Variants in MMAA observed in about 807,000 individuals in gnomAD.
MMAA encodes metabolism of cobalamin associated A, also known as methylmalonic aciduria type A protein, mitochondrial.
In MMAA, 41 loss-of-function variants were observed where a neutral mutation model predicts 45.0. The ratio of observed to expected loss-of-function variants is 0.91; its 90% CI spans 0.71 to 1.18. The LOEUF is 1.18. Ranked by LOEUF, MMAA falls within the 50% of genes most tolerant of loss-of-function variation. MMAA has a pLI of 0.00. For missense variants in MMAA, 460 were observed against 495.7 expected (o/e 0.93, Z 0.68); for synonymous variants, 154 against 178.2 (o/e 0.86, Z 1.08).
intron 2 of MMAA, among the ~76,000 whole-genome samples, chr4:145,641,195 TC>T (rs753884601): frequency 9.8e-5 from 15 of 152,294 alleles, no homozygotes; most frequent in Admixed American, 8.5e-4. Flanking sequence ...AATAGCAAAC[TC>T]CCGCAGAGAA....
intron 5 of MMAA, 46 bp from the exon 6 acceptor site, chr4:145,653,948 T>C: frequency 6.2e-7 from 1 of 1,603,846 alleles, no homozygotes; most frequent in Non-Finnish European, 8.5e-7. Flanking sequence ...TGACTAGTTT[T>C]CCCATTTTTA....
Position 145,625,895 on chromosome 4 carries a change from C to A in MMAA, c.-66+6488C>A, listed in dbSNP as rs1356494037. On this transcript the variant is annotated intron_variant, in intron 1 of 6. Transcript: ENST00000649156. Reference sequence around the variant, plus strand: ...TGCAACTGTGAATCTGAGCTTTGACCTCTCGCAAGTTATCTTTAATTTGCT... The same window carrying A: ...TGCAACTGTGAATCTGAGCTTTGACATCTCGCAAGTTATCTTTAATTTGCT... 3 of 1,556,364 alleles carry A rather than the reference C, an allele frequency of 1.9e-6. No homozygotes were observed. The African/African-American group carries it at 4.1e-5, about 21-fold the overall frequency.
chr4:145,659,500 T>A lies in MMAA; in HGVS notation c.*4066T>A, dbSNP rs923613499. 6.6e-6 allele frequency: 1 copy of A among 152,214 alleles called. No homozygotes were observed. The highest frequency in any genetic ancestry group is 1.5e-5 in the Non-Finnish European group (1 of 68,042). 9.4% of individuals were successfully genotyped at this position (152,214 alleles called of 1,614,324 possible). A position where few individuals can be genotyped will look rare whatever the true frequency, so the allele number is the denominator to read the frequency against. ...TGATAGAGTGAGGTGAGGGCATATGTAAGTCAGTAAACTATTCTGTTAGTA... is the reference window on the plus strand; with the variant it reads ...TGATAGAGTGAGGTGAGGGCATATGAAAGTCAGTAAACTATTCTGTTAGTA... On this transcript the variant is annotated 3_prime_UTR_variant, in exon 7 of 7. Transcript: ENST00000649156.
intron 1 of MMAA, among the ~76,000 whole-genome samples, chr4:145,634,529 C>T (rs1412445490): frequency 6.6e-6 from 1 of 151,824 alleles, no homozygotes; most frequent in African/African-American, 2.4e-5. Flanking sequence ...ACTGGGGACC[C>T]GAAGAGCCCA....
intron 5 of MMAA, among the ~76,000 whole-genome samples, chr4:145,651,500 A>T (rs974868966): frequency 6.6e-6 from 1 of 152,166 alleles, no homozygotes; most frequent in Non-Finnish European, 1.5e-5. Context: ...CATAGTTTAT[A>T]TGTTGTACAA....
chr4:145,639,103 G>T lies in MMAA; in HGVS notation c.-37G>T. The T allele has an allele frequency of 6.3e-7, 1 of 1,597,882 alleles. No individual in the cohort carries two copies. Among genetic ancestry groups the T allele is most frequent in the Non-Finnish European group, 8.6e-7 (1 of 1,165,340 alleles). On this transcript the variant is annotated 5_prime_UTR_variant, in exon 2 of 7. Coordinates refer to ENST00000649156, the MANE Select transcript of MMAA (RefSeq NM_172250.3). ...GGTCACAATCACATTGAGCCAAAAC[G>T]CATCCAGTGTTTTCTCCAGTTACAA...
intron 1 of MMAA, chr4:145,625,123 C>A: frequency 8.9e-7 from 1 of 1,127,450 alleles, no homozygotes. Context: ...CTGATAGGTT[C>A]ATCTCATCTC....
chr4:145,632,339 A>G (rs998432173), intron 1 of MMAA, among the ~76,000 whole-genome samples: 4 of 152,166 alleles, frequency 2.6e-5, no homozygotes, highest in African/African-American at 7.2e-5. Context: ...CTCCTAGCCT[A>G]TAAAGTTTCC....
chr4:145,649,584 TC>T (rs1306873420), intron 4 of MMAA, among the ~76,000 whole-genome samples: 1 of 152,122 alleles, frequency 6.6e-6, no homozygotes, highest in Non-Finnish European at 1.5e-5. Flanking sequence ...GGGAACCCCA[TC>T]TAATGACTGT....
chr4:145,633,367 T>C (rs1727518031), intron 1 of MMAA, among the ~76,000 whole-genome samples: 1 of 151,670 alleles, frequency 6.6e-6, no homozygotes. Flanking sequence ...CTGGCTAATT[T>C]TTGTATTTTT....
intron 1 of MMAA, chr4:145,625,016 T>C (rs1338271810): frequency 1.1e-5 from 10 of 925,616 alleles, no homozygotes; most frequent in Non-Finnish European, 1.8e-5. Context: ...ATTCATATTA[T>C]AGGACTGGAA....
chr4:145,652,469 A>G (rs566324363), intron 5 of MMAA, among the ~76,000 whole-genome samples: 4 of 151,998 alleles, frequency 2.6e-5, no homozygotes, highest in Non-Finnish European at 5.9e-5. Context: ...TGGCTCACGC[A>G]TGTAATCCCA....
chr4:145,639,756 A>G lies in MMAA; in HGVS notation c.439+178A>G, dbSNP rs115954832. On this transcript the variant is annotated intron_variant, in intron 2 of 6. Coordinates refer to ENST00000649156, the MANE Select transcript of MMAA (RefSeq NM_172250.3). ...GTTTTGTTAAGTTGAAAAAATTGCCATGACATTTGAACCAAGGCTATGTAT... is the reference window on the plus strand; with the variant it reads ...GTTTTGTTAAGTTGAAAAAATTGCCGTGACATTTGAACCAAGGCTATGTAT... The G allele has an allele frequency of 4.7e-3, 4,650 of 984,640 alleles. 155 individuals carry two copies. The African/African-American group carries it at 0.073, about 15-fold the overall frequency. 61.0% of individuals were successfully genotyped at this position (984,640 alleles called of 1,614,324 possible). A position where few individuals can be genotyped will look rare whatever the true frequency, so the allele number is the denominator to read the frequency against.
At position 145,639,470 on chromosome 4, in the gene MMAA, A is replaced by T. The variant is rs778062592; in HGVS notation, c.331A>T (p.Thr111Ser). 1.2e-6 allele frequency: 2 copies of T among 1,614,192 alleles called. No homozygotes were observed. Among genetic ancestry groups the T allele is most frequent in the Non-Finnish European group, 1.7e-6 (2 of 1,180,040 alleles). The change falls in exon 2 of 7, where the codon ACT becomes TCT. Residue 111 changes from threonine to serine, a missense_variant. Physicochemically the swap from Thr to Ser is moderately conservative, Grantham distance 58. Transcript: ENST00000649156. Reference sequence around the variant, plus strand: ...AGAGGCCATAACTCTTGTAGAATCAACTCACAGCAGGAAAAAGGAGTTAGC... The same window carrying T: ...AGAGGCCATAACTCTTGTAGAATCATCTCACAGCAGGAAAAAGGAGTTAGC... ...LAEAITLVES[T>S]HSRKKELAQV...
At chr4:145,649,127 A>G (rs1157990421) in intron 4 of MMAA, among the ~76,000 whole-genome samples, 1 of 90,730 alleles carries the variant, frequency 1.1e-5, no homozygotes, top group Non-Finnish European at 2.1e-5. Context: ...GGTTCTATCA[A>G]AAAAAAAAAA....
chr4:145,650,917 A>G lies in MMAA; in HGVS notation c.734-145A>G, dbSNP rs551279799. 3.5e-5 allele frequency: 26 copies of G among 743,030 alleles called. No homozygotes were observed. The African/African-American group carries it at 3.8e-4, about 11-fold the overall frequency. The allele number at this position is 743,030 out of a possible 1,614,324, so 46.0% of individuals were successfully genotyped here. A position where few individuals can be genotyped will look rare whatever the true frequency, so the allele number is the denominator to read the frequency against. ...AGATATGACATTTAATACATTCTTC[A>G]GAAGTGAGATGTTTAAAGGAGTGAC... On this transcript the variant is annotated intron_variant, in intron 4 of 6. Coordinates refer to ENST00000649156, the MANE Select transcript of MMAA (RefSeq NM_172250.3).
At chr4:145,621,962 T>A (rs1406843791) in intron 1 of MMAA, among the ~76,000 whole-genome samples, 1 of 152,222 alleles carries the variant, frequency 6.6e-6, no homozygotes, top group Non-Finnish European at 1.5e-5. Context: ...TTTAGAAACA[T>A]CAATTAACTG....
In MMAA at chr4:145,656,886, G is replaced by A. The variant is rs548327835; in HGVS notation, c.*1452G>A. ...TTTACATTTTTTGGAAAGATTTTTAGTACTCCATTGGCATAGCTATTTCAT... is the reference window on the plus strand; with the variant it reads ...TTTACATTTTTTGGAAAGATTTTTAATACTCCATTGGCATAGCTATTTCAT... On this transcript the variant is annotated 3_prime_UTR_variant, in exon 7 of 7. Transcript: ENST00000649156. The A allele has an allele frequency of 7.2e-5, 11 of 152,232 alleles. No individual in the cohort carries two copies. The highest frequency in any genetic ancestry group is 2.2e-4 in the African/African-American group (9 of 41,550). 9.4% of individuals were successfully genotyped at this position (152,232 alleles called of 1,614,324 possible).
rs1159997747 is a variant in MMAA at position 145,658,450 on chromosome 4, T to C, written c.*3016T>C. The C allele has an allele frequency of 6.6e-6, 1 of 152,182 alleles. No individual in the cohort carries two copies. The highest frequency in any genetic ancestry group is 1.5e-5 in the Non-Finnish European group (1 of 68,014). 9.4% of individuals were successfully genotyped at this position (152,182 alleles called of 1,614,324 possible). A position where few individuals can be genotyped will look rare whatever the true frequency, so the allele number is the denominator to read the frequency against. On this transcript the variant is annotated 3_prime_UTR_variant, in exon 7 of 7. Transcript: ENST00000649156. Reference sequence around the variant, plus strand: ...TTCTGTAGATAGGAAAAAAATGTGCTGAGCTCCAAAACTGACAGACATTTT... The same window carrying C: ...TTCTGTAGATAGGAAAAAAATGTGCCGAGCTCCAAAACTGACAGACATTTT...
Sources: gnomAD v4.1 joint callset for allele counts (sites outside exome capture counted in the v4.1 genomes callset) on GRCh38, gnomAD v4.1.1 for gene constraint, MANE v1.5 for transcripts, NCBI Gene and HGNC (gene_info 2026-07-23, HGNC 2026-07-21) for gene names.